PARD3: variants seen among roughly 807,000 people sequenced by gnomAD.
The protein encoded by PARD3 is par-3 family cell polarity regulator, also known as partitioning defective 3 homolog.
PARD3 carries 75 observed loss-of-function variants against 155.4 expected under a neutral mutation model. The ratio of observed to expected loss-of-function variants is 0.48; its 90% CI spans 0.40 to 0.58. PARD3 has a LOEUF of 0.58. Among genes scored for constraint, PARD3 ranks in the 20% least tolerant of loss-of-function variants. The probability of loss-of-function intolerance (pLI) is 0.00; values close to 1 mark genes in which losing one functional copy is unlikely to be tolerated. For synonymous variants in PARD3, 576 were observed against 610.5 expected (o/e 0.94, Z 0.83); for missense variants, 1,642 against 1,721.7 (o/e 0.95, Z 0.82).
At chr10:34,732,566 C>T (rs139736192) in intron 1 of PARD3, among the ~76,000 whole-genome samples, 6 of 152,060 alleles carry the variant, frequency 3.9e-5, no homozygotes, top group Non-Finnish European at 7.4e-5. Flanking sequence ...GGCATAGTGG[C>T]ATGTGCCTGT....
At chr10:34,401,379 T>C (rs1179488056) in intron 6 of PARD3, among the ~76,000 whole-genome samples, 5 of 152,190 alleles carry the variant, frequency 3.3e-5, no homozygotes, top group Non-Finnish European at 7.3e-5. Flanking sequence ...AATAAATACA[T>C]ATATTTACAT....
intron 22 of PARD3, among the ~76,000 whole-genome samples, chr10:34,131,814 C>T (rs868509341): frequency 1.4e-4 from 20 of 147,800 alleles, no homozygotes; most frequent in African/African-American, 5.0e-4. Flanking sequence ...TTTAGATATT[C>T]TTTTTTTTTT....
At chr10:34,261,772 GAAAGAAAGA>G (rs1449665872) in intron 22 of PARD3, among the ~76,000 whole-genome samples, 1 of 84,196 alleles carries the variant, frequency 1.2e-5, no homozygotes, top group East Asian at 3.4e-4. Flanking sequence ...AAGGAAGGAA[GAAAGAAAGA>G]AAAGAAAGAA....
intron 20 of PARD3, among the ~76,000 whole-genome samples, chr10:34,286,128 C>T (rs1272420254): frequency 2.0e-5 from 3 of 152,142 alleles, no homozygotes; most frequent in Non-Finnish European, 4.4e-5. Flanking sequence ...CTCAGAATTA[C>T]ACATAATGAT....
intron 3 of PARD3, among the ~76,000 whole-genome samples, chr10:34,504,546 A>G (rs939457649): frequency 2.0e-5 from 3 of 152,252 alleles, no homozygotes; most frequent in Non-Finnish European, 4.4e-5. Flanking sequence ...ACACAAAATA[A>G]CACCATGAAT....
At chr10:34,363,926 G>A (rs1323014620) in intron 12 of PARD3, among the ~76,000 whole-genome samples, 1 of 152,164 alleles carries the variant, frequency 6.6e-6, no homozygotes, top group African/African-American at 2.4e-5. Context: ...TAAGGAACCT[G>A]CTGAATGGGT....
At chr10:34,332,706 C>T (rs1476490581) in intron 18 of PARD3, among the ~76,000 whole-genome samples, 1 of 152,162 alleles carries the variant, frequency 6.6e-6, no homozygotes, top group Non-Finnish European at 1.5e-5. Context: ...TAATATTCCA[C>T]AAATTGTTGT....
intron 22 of PARD3, among the ~76,000 whole-genome samples, chr10:34,250,110 C>A (rs2248686): frequency 2.0e-5 from 3 of 151,556 alleles, no homozygotes; most frequent in Non-Finnish European, 1.5e-5. Flanking sequence ...AAAATTTACA[C>A]GTTATTATCA....
chr10:34,427,418 T>C (rs1001093161), intron 5 of PARD3, among the ~76,000 whole-genome samples: 24 of 152,182 alleles, frequency 1.6e-4, no homozygotes, highest in African/African-American at 5.8e-4. Flanking sequence ...GCAGTGCCCC[T>C]AGGCTTGCTA....
Position 34,119,724 on chromosome 10 carries a change from G to A in PARD3, c.3557C>T (p.Ala1186Val), listed in dbSNP as rs1310344906. Reference protein sequence around the residue: ...FEQPWPNARPATQSGRHSVSV... With the variant: ...FEQPWPNARPVTQSGRHSVSV... ...CACCGAGTGTCGCCCGCTCTGCGTC[G>A]CCGGCCGTGCGTTCGGCTGGAAGAG... The change falls in exon 24 of 25, where the codon GCG becomes GTG. Residue 1186 changes from alanine (A) to valine (V), a missense_variant. Physicochemically the swap from Ala to Val is moderately conservative, Grantham distance 64. This residue lies in a region of PARD3 where 1,529 missense variants were observed against 1,587.3 expected (regional missense o/e 0.96). Transcript: ENST00000374788. The A allele has an allele frequency of 8.1e-6, 13 of 1,611,192 alleles. No homozygotes were observed. Among genetic ancestry groups the A allele is most frequent in the South Asian group, 1.1e-5 (1 of 90,890 alleles).
At chr10:34,637,118 C>T (rs1376771282) in intron 2 of PARD3, among the ~76,000 whole-genome samples, 4 of 152,178 alleles carry the variant, frequency 2.6e-5, no homozygotes, top group African/African-American at 4.8e-5. Context: ...CGGTTTAGTG[C>T]CTGCTTTATT....
chr10:34,586,240 T>A (rs560426901), intron 2 of PARD3, among the ~76,000 whole-genome samples: 16 of 152,324 alleles, frequency 1.1e-4, no homozygotes, highest in African/African-American at 3.6e-4. Context: ...AACCTAATTA[T>A]GTTCTTTGAA....
chr10:34,766,759 T>A (rs1262737879), intron 1 of PARD3, among the ~76,000 whole-genome samples: 2 of 151,924 alleles, frequency 1.3e-5, no homozygotes, highest in Non-Finnish European at 2.9e-5. Flanking sequence ...CAAAAGGACC[T>A]ACCGTCAGAC....
At chr10:34,292,047 C>T (rs1354792326) in intron 20 of PARD3, among the ~76,000 whole-genome samples, 2 of 152,202 alleles carry the variant, frequency 1.3e-5, no homozygotes, top group Non-Finnish European at 2.9e-5. Flanking sequence ...TACCCATTCA[C>T]AGGATCCTGC....
chr10:34,529,132 T>C (rs2082666916), intron 2 of PARD3, among the ~76,000 whole-genome samples: 1 of 152,142 alleles, frequency 6.6e-6, no homozygotes. Context: ...TGGGAGTCCA[T>C]GGTACAAAAA....
At chr10:34,345,191 G>T (rs1204383747) in intron 15 of PARD3, 23 of 984,882 alleles carry the variant, frequency 2.3e-5, no homozygotes, top group Non-Finnish European at 2.7e-5. Flanking sequence ...TCAGGACTTA[G>T]TTCCTCATCT....
intron 20 of PARD3, among the ~76,000 whole-genome samples, chr10:34,308,537 C>T (rs1405145228): frequency 6.6e-6 from 1 of 152,058 alleles, no homozygotes. Flanking sequence ...TGGATCTAAC[C>T]AACTGAGAAG....
In PARD3 at chr10:34,401,922, A is replaced by C. The variant is rs200269357; in HGVS notation, c.715-5T>G. 6.2e-7 allele frequency: 1 copy of C among 1,610,522 alleles called. No individual in the cohort carries two copies. Among genetic ancestry groups the C allele is most frequent in the Non-Finnish European group, 8.5e-7 (1 of 1,176,810 alleles). On this transcript the variant is annotated splice_region_variant and splice_polypyrimidine_tract_variant and intron_variant, in intron 5 of 24. Transcript: ENST00000374788. ...CTCTTCTGTCCCATCCTCATCCTAGAGGCAGCCAACACAAAGAAAAGTACA... is the reference window on the plus strand; with the variant it reads ...CTCTTCTGTCCCATCCTCATCCTAGCGGCAGCCAACACAAAGAAAAGTACA...
chr10:34,134,288 T>G (rs1947771652), intron 22 of PARD3, among the ~76,000 whole-genome samples: 1 of 152,238 alleles, frequency 6.6e-6, no homozygotes, highest in Non-Finnish European at 1.5e-5. Flanking sequence ...ACCTGTGCTT[T>G]TTTGTTCCTG....
Sources: allele counts gnomAD v4.1 joint callset (sites outside exome capture counted in the v4.1 genomes callset), GRCh38; gene constraint gnomAD v4.1.1; regional missense constraint gnomAD v4.1.1; transcripts MANE v1.5; gene names NCBI Gene and HGNC (gene_info 2026-07-23, HGNC 2026-07-21).